Variants in JAK1 observed in about 807,000 individuals in gnomAD.
JAK1 encodes tyrosine-protein kinase JAK1.
Under a neutral mutation model 136.6 loss-of-function variants are expected in JAK1, and 16 were observed. That is an observed-to-expected ratio of 0.12 (90% CI 0.08 to 0.18). The LOEUF (loss-of-function observed/expected upper bound fraction) is 0.18. Among genes scored for constraint, JAK1 ranks in the 10% least tolerant of loss-of-function variants. The probability of loss-of-function intolerance (pLI) is 1.00; values close to 1 mark genes in which losing one functional copy is unlikely to be tolerated. For synonymous variants in JAK1, 492 were observed against 519.5 expected (o/e 0.95, Z 0.72); for missense variants, 859 against 1,450.1 (o/e 0.59, Z 6.62).
chr1:64,949,003 G>A (rs955062722), intron 1 of JAK1, among the ~76,000 whole-genome samples: 7 of 152,104 alleles, frequency 4.6e-5, no homozygotes, highest in South Asian at 2.1e-4. Context: ...AAACAAAAAC[G>A]GTCAGAAGGG....
intron 2 of JAK1, among the ~76,000 whole-genome samples, chr1:65,013,095 C>CAA (rs34009555): frequency 0.15 from 6,843 of 44,798 alleles, 485 homozygotes; most frequent in Admixed American, 0.18. Context: ...CACTCCGTCT[C>CAA]AAAAAAAAAA....
At chr1:65,016,455 C>G (rs1224609579) in intron 2 of JAK1, among the ~76,000 whole-genome samples, 1 of 152,128 alleles carries the variant, frequency 6.6e-6, no homozygotes, top group African/African-American at 2.4e-5. Context: ...AACCCTGTCT[C>G]TACAAAAAAT....
rs76867449 is a variant in JAK1 at position 64,896,801 on chromosome 1, C to A, written c.-77-10460G>T. 3.5e-3 allele frequency among the ~76,000 whole-genome samples: 534 copies of A among 152,236 alleles called. 15 individuals carry two copies. The East Asian group carries it at 0.04, about 11-fold the overall frequency. ...GTGGGGCTGGTGTAGTGAGTTTGAT[C>A]GGATCCAGAGGACGGCAGGGAAAAC... On this transcript the variant is annotated intron_variant, in intron 1 of 24. Coordinates refer to ENST00000342505, the MANE Select transcript of JAK1 (RefSeq NM_002227.4).
intron 2 of JAK1, among the ~76,000 whole-genome samples, chr1:64,975,086 G>GT (rs111582090): frequency 0.19 from 28,344 of 145,642 alleles, 4,513 homozygotes; most frequent in African/African-American, 0.43. Context: ...ATTTTGTATA[G>GT]TTTTTTTTTT....
chr1:65,039,595 T>A (rs1647111098), intron 2 of JAK1, among the ~76,000 whole-genome samples: 2 of 152,320 alleles, frequency 1.3e-5, no homozygotes, highest in African/African-American at 4.8e-5. Context: ...TATATTCTAC[T>A]ATGGCTTCTC....
chr1:65,032,316 T>C (rs1647030884), intron 2 of JAK1, among the ~76,000 whole-genome samples: 1 of 152,172 alleles, frequency 6.6e-6, no homozygotes, highest in Admixed American at 6.6e-5. Flanking sequence ...GATAAGAAAC[T>C]CAGGAGAGTT....
chr1:64,859,930 A>C, intron 9 of JAK1, 175 bp downstream of exon 9: 3 of 443,428 alleles, frequency 6.8e-6, no homozygotes, highest in Non-Finnish European at 8.1e-6. Context: ...AGAGGATGGT[A>C]GGAGATTACA....
At chr1:64,913,655 A>AAGGAAGGAAGGAAGGAAG (rs1553168149) in intron 1 of JAK1, among the ~76,000 whole-genome samples, 7 of 34,448 alleles carry the variant, frequency 2.0e-4, no homozygotes, top group Admixed American at 7.5e-4. Context: ...AAGGAAGGAA[A>AAGGAAGGAAGGAAGGAAG]GAAGGAAGGA....
chr1:64,914,336 G>A (rs1207577914), intron 1 of JAK1, among the ~76,000 whole-genome samples: 1 of 152,174 alleles, frequency 6.6e-6, no homozygotes, highest in Non-Finnish European at 1.5e-5. Flanking sequence ...AATGACCATA[G>A]ATGCTTCAAA....
At chr1:64,930,645 T>G (rs538186297) in intron 1 of JAK1, among the ~76,000 whole-genome samples, 3 of 135,710 alleles carry the variant, frequency 2.2e-5, no homozygotes, top group African/African-American at 7.4e-5. Context: ...ATCCCATTAC[T>G]GGGTATATAC....
In JAK1 at chr1:64,837,378, C is replaced by T. The variant is rs1354842857; in HGVS notation, c.3140+554G>A. On this transcript the variant is annotated intron_variant, in intron 22 of 24. Coordinates refer to ENST00000342505, the MANE Select transcript of JAK1 (RefSeq NM_002227.4). ...CGTTATGTGGTTACGTGGCAGGGTG[C>T]GGTAGAGATGTAAGCAGCCTCTCCC... Among the ~76,000 whole-genome samples, 16 of 152,208 alleles carry T rather than the reference C, an allele frequency of 1.1e-4. No homozygotes were observed. In the East Asian group the frequency reaches 2.7e-3, roughly 26 times the overall value.
chr1:64,995,117 AAACCTGTTGGCTGCTAATCATTTAC>A (rs1646693151), intron 2 of JAK1: 1 of 152,214 alleles, frequency 6.6e-6, no homozygotes, highest in Admixed American at 6.5e-5. Flanking sequence ...AAGGAAGATA[AAACCTGTTGGCTGCTAATCATTTAC>A]AATCAGATCA....
At chr1:64,946,771 A>C (rs1420716028) in intron 1 of JAK1, among the ~76,000 whole-genome samples, 1 of 88,034 alleles carries the variant, frequency 1.1e-5, no homozygotes, top group African/African-American at 7.6e-5. Flanking sequence ...ACCCATGTTC[A>C]TAGAAATATC....
At chr1:64,965,392 G>A (rs1464280747) in intron 1 of JAK1, among the ~76,000 whole-genome samples, 1 of 152,122 alleles carries the variant, frequency 6.6e-6, no homozygotes, top group South Asian at 2.1e-4. Flanking sequence ...GGAACACACA[G>A]GAAATCATGG....
intron 2 of JAK1, among the ~76,000 whole-genome samples, chr1:65,014,719 C>G (rs1483522395): frequency 2.0e-5 from 3 of 150,104 alleles, no homozygotes; most frequent in Non-Finnish European, 4.4e-5. Flanking sequence ...GAGTCTCTCT[C>G]TGTCGCCCAG....
intron 1 of JAK1, among the ~76,000 whole-genome samples, chr1:65,058,668 C>G (rs554637179): frequency 6.6e-6 from 1 of 152,212 alleles, no homozygotes; most frequent in East Asian, 1.9e-4. Context: ...AGTGGTGAGG[C>G]TGAAATATTA....
chr1:64,985,282 T>C lies in JAK1; in HGVS notation c.-78+59198A>G, dbSNP rs562757824. On this transcript the variant is annotated intron_variant, in intron 2 of 25. Coordinates refer to the JAK1 transcript ENST00000671954. ...TGAGAGAGCTGGAGCATGATGGAAA[T>C]GATGATGGGCTGTCGGTAGCTGGAT... is the stretch of plus-strand genomic sequence containing the variant. The C allele has an allele frequency of 3.7e-6, 6 of 1,609,420 alleles. 1 individual carries two copies. The South Asian group carries it at 6.6e-5, about 18-fold the overall frequency.
At chr1:64,932,385 C>T (rs186769217) in intron 1 of JAK1, among the ~76,000 whole-genome samples, 1 of 152,198 alleles carries the variant, frequency 6.6e-6, no homozygotes, top group African/African-American at 2.4e-5. Context: ...TGTACTACAG[C>T]CTGGCGACAG....
intron 1 of JAK1, among the ~76,000 whole-genome samples, chr1:64,921,369 C>T (rs192672888): frequency 2.3e-4 from 35 of 152,262 alleles, no homozygotes; most frequent in African/African-American, 8.2e-4. Flanking sequence ...TTCTGCACAG[C>T]CACCTAGACT....
Sources: allele counts gnomAD v4.1 joint callset (sites outside exome capture counted in the v4.1 genomes callset), GRCh38; gene constraint gnomAD v4.1.1; transcripts MANE v1.5; gene names NCBI Gene and HGNC (gene_info 2026-07-23, HGNC 2026-07-21).